The following TBC1D14 variants were observed in gnomAD, a reference collection of about 807,000 sequenced individuals.
The protein encoded by TBC1D14 is TBC1 domain family member 14, also known as TBC1 domain family, member 14.
In TBC1D14, 26 loss-of-function variants were observed where a neutral mutation model predicts 79.0. The observed-to-expected ratio is 0.33, with a 90% CI of 0.24 to 0.46. The LOEUF (loss-of-function observed/expected upper bound fraction) is 0.46, where lower values mean the gene tolerates loss of function less well. TBC1D14 is among the 20% of genes least tolerant of loss of function. TBC1D14 has a pLI of 1.00. For synonymous variants in TBC1D14, 394 were observed against 349.9 expected (o/e 1.13, Z -1.40); for missense variants, 769 against 887.6 (o/e 0.87, Z 1.70).
intron 2 of TBC1D14, among the ~76,000 whole-genome samples, chr4:6,955,429 A>G (rs1428462857): frequency 1.3e-5 from 2 of 152,004 alleles, no homozygotes; most frequent in African/African-American, 4.8e-5. Flanking sequence ...TGGGAGGAGG[A>G]TGTAAAACAT....
intron 2 of TBC1D14, among the ~76,000 whole-genome samples, chr4:6,962,433 C>G (rs1176941149): frequency 6.6e-6 from 1 of 152,116 alleles, no homozygotes; most frequent in African/African-American, 2.4e-5. Flanking sequence ...GTGAGTCTCA[C>G]CAGGGTTAAT....
intron 9 of TBC1D14, 33 bp from the exon 10 acceptor site, chr4:7,009,844 C>A: frequency 1.2e-6 from 2 of 1,608,838 alleles, no homozygotes; most frequent in Non-Finnish European, 1.7e-6. Context: ...AGTACTCATG[C>A]ATGTGTTGTT....
chr4:6,954,284 G>A (rs1371877316), intron 2 of TBC1D14: 1 of 717,384 alleles, frequency 1.4e-6, no homozygotes, highest in Non-Finnish European at 2.6e-6. Flanking sequence ...CCTCGGAGCT[G>A]CGAGGTCACA....
Position 7,029,945 on chromosome 4 carries a change from A to G in TBC1D14, c.2017-382A>G, listed in dbSNP as rs376094291. On this transcript the variant is annotated intron_variant, in intron 13 of 13. Coordinates refer to ENST00000409757, the MANE Select transcript of TBC1D14 (RefSeq NM_020773.3). ...GTGCCTTGAGGCCTTCTCAGGTGGC[A>G]GGCTTCCTGGTGGAGGAGGAACAGG... is the stretch of plus-strand genomic sequence containing the variant. Among the ~76,000 whole-genome samples the G allele has an allele frequency of 3.3e-5, 5 of 152,352 alleles. No individual in the cohort carries two copies. The East Asian group carries it at 9.6e-4, about 29-fold the overall frequency.
intron 1 of TBC1D14, 50 bp from the exon 2 acceptor site, chr4:6,923,323 A>G (rs1268951951): frequency 7.9e-5 from 121 of 1,535,554 alleles, no homozygotes; most frequent in Middle Eastern, 1.8e-4. Flanking sequence ...GAGGTGTGGC[A>G]TCTTTGAATT....
chr4:6,956,590 T>C (rs901868567), intron 2 of TBC1D14, among the ~76,000 whole-genome samples: 4 of 152,020 alleles, frequency 2.6e-5, no homozygotes, highest in Admixed American at 2.6e-4. Flanking sequence ...GGTGGCATGA[T>C]CTCTAATTGC....
At position 6,910,116 on chromosome 4, in the gene TBC1D14, C is replaced by T. The variant is rs1022683580; in HGVS notation, c.-18+165C>T. 5 of 150,784 alleles carry T rather than the reference C, an allele frequency of 3.3e-5. 1 individual carries two copies. The highest frequency in any genetic ancestry group is 2.1e-4 in the South Asian group (1 of 4,828). 9.3% of individuals were successfully genotyped at this position (150,784 alleles called of 1,614,324 possible). On this transcript the variant is annotated intron_variant, in intron 1 of 13. Transcript: ENST00000409757. The stretch of plus-strand genomic sequence containing the variant: ...TGTCCCTCGCCGCGCGGCCGCGGCT[C>T]CTGCACGCCAGGGCAGCGCGTGCGT...
intron 12 of TBC1D14, among the ~76,000 whole-genome samples, chr4:7,021,658 CTTT>C (rs10707809): frequency 3.3e-5 from 5 of 149,300 alleles, no homozygotes; most frequent in Admixed American, 6.7e-5. Context: ...CTTGAAATTA[CTTT>C]TTTTTTTTTT....
intron 2 of TBC1D14, among the ~76,000 whole-genome samples, chr4:6,944,722 G>A (rs922067178): frequency 7.2e-5 from 11 of 152,208 alleles, no homozygotes; most frequent in African/African-American, 2.4e-4. Context: ...TACAGAATGC[G>A]GGGATGTCCA....
chr4:6,965,488 C>T (rs751104913), intron 2 of TBC1D14, among the ~76,000 whole-genome samples: 13 of 152,158 alleles, frequency 8.5e-5, no homozygotes, highest in Non-Finnish European at 1.2e-4. Context: ...TGGGCATCAG[C>T]GCCATTGACT....
chr4:6,993,078 T>C (rs1718670545), intron 3 of TBC1D14, among the ~76,000 whole-genome samples: 1 of 152,238 alleles, frequency 6.6e-6, no homozygotes, highest in Non-Finnish European at 1.5e-5. Flanking sequence ...ATTTCACCAG[T>C]AACACGCCTC....
chr4:6,935,959 A>C (rs1467994660), intron 2 of TBC1D14, among the ~76,000 whole-genome samples: 1 of 152,076 alleles, frequency 6.6e-6, no homozygotes, highest in African/African-American at 2.4e-5. Context: ...ATAGATTTTT[A>C]ATTTCAACAT....
At chr4:7,000,713 T>C (rs1719581247) in intron 6 of TBC1D14, among the ~76,000 whole-genome samples, 1 of 151,904 alleles carries the variant, frequency 6.6e-6, no homozygotes, top group African/African-American at 2.4e-5. Context: ...GTCTGCTGAC[T>C]CTCTGCTGGG....
At chr4:6,993,471 C>G (rs900643335) in intron 3 of TBC1D14, among the ~76,000 whole-genome samples, 14 of 152,102 alleles carry the variant, frequency 9.2e-5, no homozygotes, top group African/African-American at 3.4e-4. Context: ...CAGGGCATGG[C>G]AAAACTATTT....
intron 2 of TBC1D14, among the ~76,000 whole-genome samples, 160 bp downstream of exon 2, chr4:6,924,271 T>C (rs1724104469): frequency 1.4e-5 from 2 of 146,430 alleles, no homozygotes; most frequent in Non-Finnish European, 3.0e-5. Flanking sequence ...TCCTGTGGGA[T>C]TGTGAGAACT....
intron 12 of TBC1D14, among the ~76,000 whole-genome samples, chr4:7,019,107 C>A (rs111785992): frequency 4.6e-5 from 7 of 151,330 alleles, no homozygotes; most frequent in Non-Finnish European, 8.8e-5. Flanking sequence ...CTGCAAGCTC[C>A]GCCTCCCGGA....
At chr4:6,956,790 G>A (rs1354285907) in intron 2 of TBC1D14, among the ~76,000 whole-genome samples, 3 of 152,242 alleles carry the variant, frequency 2.0e-5, no homozygotes, top group Non-Finnish European at 4.4e-5. Flanking sequence ...TGAGCTGCCT[G>A]TGCGGGGAAG....
intron 2 of TBC1D14, among the ~76,000 whole-genome samples, chr4:6,963,963 A>G (rs1244958283): frequency 6.6e-6 from 1 of 151,724 alleles, no homozygotes; most frequent in Non-Finnish European, 1.5e-5. Flanking sequence ...ACGCCTGGCT[A>G]ATTTTTGTAT....
At chr4:6,944,843 C>G (rs535762061) in intron 2 of TBC1D14, among the ~76,000 whole-genome samples, 8 of 152,350 alleles carry the variant, frequency 5.3e-5, no homozygotes, top group Admixed American at 3.3e-4. Context: ...CTCACTATCC[C>G]CGGGGCAGAG....
Sources: gnomAD v4.1 joint callset for allele counts (sites outside exome capture counted in the v4.1 genomes callset) on GRCh38, gnomAD v4.1.1 for gene constraint, MANE v1.5 for transcripts, NCBI Gene and HGNC (gene_info 2026-07-23, HGNC 2026-07-21) for gene names.